TMEM71: variants seen among roughly 807,000 people sequenced by gnomAD.
TMEM71 encodes transmembrane protein 71.
In TMEM71, 44 loss-of-function variants were observed where a neutral mutation model predicts 38.0. That is an observed-to-expected ratio of 1.16 (90% CI 0.91 to 1.49). The LOEUF is 1.49. Ranked by LOEUF, TMEM71 falls within the 40% of genes most tolerant of loss-of-function variation. The pLI, the probability that TMEM71 is intolerant of heterozygous loss-of-function variation, is 0.00. For synonymous variants in TMEM71, 133 were observed against 122.5 expected (o/e 1.09, Z -0.56); for missense variants, 367 against 348.6 (o/e 1.05, Z -0.42).
intron 5 of TMEM71, among the ~76,000 whole-genome samples, chr8:132,730,378 C>T (rs1349038006): frequency 2.0e-5 from 3 of 152,184 alleles, no homozygotes; most frequent in Admixed American, 2.0e-4. Context: ...ACACTCTCAG[C>T]CCAAGCTGCA....
At chr8:132,765,201 A>G (rs1429012755), upstream of TMEM71, among the ~76,000 whole-genome samples, 1 of 152,202 alleles carries the variant, frequency 6.6e-6, no homozygotes, top group African/African-American at 2.4e-5. Flanking sequence ...CCTGGTTAAG[A>G]TAGGCCCTAA....
chr8:132,738,247 T>C (rs1827853328), intron 5 of TMEM71, among the ~76,000 whole-genome samples: 1 of 152,222 alleles, frequency 6.6e-6, no homozygotes, highest in African/African-American at 2.4e-5. Context: ...TTCTAGGATT[T>C]GAATTCAGGT....
chr8:132,772,327 C>G, the TMEM71 span, among the ~76,000 whole-genome samples: 1 of 152,172 alleles, frequency 6.6e-6, no homozygotes. Context: ...TTTGGTTCTG[C>G]TCAAACACAG....
intron 5 of TMEM71, among the ~76,000 whole-genome samples, chr8:132,743,022 G>T (rs1390911185): frequency 6.6e-6 from 1 of 152,040 alleles, no homozygotes; most frequent in Admixed American, 6.6e-5. Context: ...TCACTATCAC[G>T]AAAACAGCAC....
At chr8:132,761,009 G>T (rs1829283059), upstream of TMEM71, among the ~76,000 whole-genome samples, 1 of 152,162 alleles carries the variant, frequency 6.6e-6, no homozygotes, top group Non-Finnish European at 1.5e-5. Flanking sequence ...AATAGCAAGA[G>T]CTTGATCTTA....
At chr8:132,756,121 C>A (rs1828988761) in intron 3 of TMEM71, among the ~76,000 whole-genome samples, 1 of 151,606 alleles carries the variant, frequency 6.6e-6, no homozygotes, top group East Asian at 1.9e-4. Flanking sequence ...GGGGAAACAT[C>A]AACTGATGTC....
chr8:132,714,685 T>C (rs546598641), intron 7 of TMEM71, among the ~76,000 whole-genome samples: 44 of 145,668 alleles, frequency 3.0e-4, no homozygotes, highest in Non-Finnish European at 5.4e-4. Flanking sequence ...AAATGCACAA[T>C]CCATGAAAGA....
intron 5 of TMEM71, among the ~76,000 whole-genome samples, chr8:132,732,511 T>C (rs558308714): frequency 6.6e-6 from 1 of 152,148 alleles, no homozygotes; most frequent in African/African-American, 2.4e-5. Flanking sequence ...GGTCACATTG[T>C]GTGGGGTCTC....
chr8:132,713,890 G>A, intron 9 of TMEM71, 105 bp downstream of exon 9: 1 of 1,082,798 alleles, frequency 9.2e-7, no homozygotes, highest in Non-Finnish European at 1.4e-6. Flanking sequence ...GAATGATCAG[G>A]ATGTTTCCTG....
At position 132,710,676 on chromosome 8, in the gene TMEM71, G is replaced by A; in HGVS notation, c.*291C>T. 3.7e-6 allele frequency: 2 copies of A among 540,122 alleles called. No homozygotes were observed. Among genetic ancestry groups the A allele is most frequent in the South Asian group, 2.7e-5 (1 of 36,576 alleles). 33.5% of individuals were successfully genotyped at this position (540,122 alleles called of 1,614,324 possible). A position where few individuals can be genotyped will look rare whatever the true frequency, so the allele number is the denominator to read the frequency against. On this transcript the variant is annotated 3_prime_UTR_variant, in exon 10 of 10. Coordinates refer to ENST00000677595, the MANE Select transcript of TMEM71 (RefSeq NM_001382403.1). ...AACCACTGCCTTAAAGAATCATAGG[G>A]GGACATTTATTCCAGGCGGTCTCTT...
upstream of TMEM71, among the ~76,000 whole-genome samples, chr8:132,764,595 G>T (rs925684241): frequency 2.6e-5 from 4 of 152,162 alleles, no homozygotes; most frequent in Non-Finnish European, 5.9e-5. Flanking sequence ...ATTCAACCAT[G>T]CTGGCTTCCT....
Position 132,751,882 on chromosome 8 carries a change from A to G in TMEM71, c.217T>C (p.Tyr73His), listed in dbSNP as rs77549015. 9 of 1,613,940 alleles carry G rather than the reference A, an allele frequency of 5.6e-6. No homozygotes were observed. In the Admixed American group the frequency reaches 6.7e-5, roughly 12 times the overall value. The change falls in exon 4 of 10, where the codon TAT becomes CAT. Residue 73 changes from tyrosine (Y) to histidine (H), a missense_variant. Transcript: ENST00000677595. ...RSPRLLTNGY[Y>H]IWTEDSFLCD... Reference sequence around the variant, plus strand: ...AGGAAGCTGTCTTCAGTCCAAATATAGTAGCCATTGGTGAGGAGTCTGGGA... The same window carrying G: ...AGGAAGCTGTCTTCAGTCCAAATATGGTAGCCATTGGTGAGGAGTCTGGGA...
upstream of TMEM71, among the ~76,000 whole-genome samples, chr8:132,764,148 T>C (rs1262720938): frequency 6.6e-6 from 1 of 152,228 alleles, no homozygotes; most frequent in Non-Finnish European, 1.5e-5. Flanking sequence ...CCTCTTCATG[T>C]AGCTCTTAGG....
rs139378594 is a variant in TMEM71, at chr8:132,727,955, A to C, written c.519T>G (p.Asp173Glu). ...CATTCATCTTCCCTGACTCCCAGTCATCAGTCAGAGAAGAACAGTCTAAAT... is the reference window on the plus strand; with the variant it reads ...CATTCATCTTCCCTGACTCCCAGTCCTCAGTCAGAGAAGAACAGTCTAAAT... ...ADDLDCSSLT[D>E]DWESGKMNAE... Residue 173 changes from aspartate to glutamate, a missense_variant, in exon 6 of 10, where the codon GAT (aspartate) becomes GAG (glutamate). Asp to Glu is a conservative substitution (Grantham distance 45). Transcript: ENST00000677595. 3.7e-6 allele frequency: 6 copies of C among 1,613,716 alleles called. No individual in the cohort carries two copies. In the African/African-American group the frequency reaches 6.7e-5, roughly 18 times the overall value.
intron 4 of TMEM71, among the ~76,000 whole-genome samples, chr8:132,747,930 G>T (rs1194030159): frequency 2.0e-5 from 3 of 152,170 alleles, no homozygotes; most frequent in Non-Finnish European, 4.4e-5. Context: ...GACATAATTC[G>T]GTTTGCATTT....
chr8:132,766,783 T>TAAAAAAAAAAAAAAA, the TMEM71 span, among the ~76,000 whole-genome samples: 1 of 75,046 alleles, frequency 1.3e-5, no homozygotes, highest in Non-Finnish European at 3.4e-5. Context: ...AGACTCTGTC[T>TAAAAAAAAAAAAAAA]AAAAAAAAAA....
intron 9 of TMEM71, 79 bp downstream of exon 9, chr8:132,713,916 A>G: frequency 7.3e-7 from 1 of 1,363,902 alleles, no homozygotes; most frequent in Non-Finnish European, 1.0e-6. Context: ...GCCATCTACT[A>G]TGCAGCAGAA....
chr8:132,765,278 C>T (rs1829350643), upstream of TMEM71, among the ~76,000 whole-genome samples: 1 of 152,152 alleles, frequency 6.6e-6, no homozygotes, highest in South Asian at 2.1e-4. Context: ...TGGAAGGTCC[C>T]CGAAAGTTAG....
intron 7 of TMEM71, among the ~76,000 whole-genome samples, chr8:132,717,921 T>G (rs962696837): frequency 5.3e-5 from 8 of 152,198 alleles, no homozygotes; most frequent in Non-Finnish European, 8.8e-5. Context: ...TAGAAAAGGA[T>G]GAAGTACTGA....
Sources: gnomAD v4.1 joint callset for allele counts (sites outside exome capture counted in the v4.1 genomes callset) on GRCh38, gnomAD v4.1.1 for gene constraint, MANE v1.5 for transcripts, NCBI Gene and HGNC (gene_info 2026-07-23, HGNC 2026-07-21) for gene names.